The following CDCA8 variants were observed in gnomAD, a reference collection of about 807,000 sequenced individuals.
CDCA8 encodes the protein cell division cycle associated 8.
CDCA8 carries 25 observed loss-of-function variants against 40.0 expected under a neutral mutation model. That is an observed-to-expected ratio of 0.63 (90% CI 0.46 to 0.87). The LOEUF is 0.87. CDCA8 is among the 40% of genes least tolerant of loss of function. The probability of loss-of-function intolerance (pLI) is 0.00; values close to 1 mark genes in which losing one functional copy is unlikely to be tolerated. For synonymous variants in CDCA8, 111 were observed against 126.5 expected (o/e 0.88, Z 0.82); for missense variants, 280 against 348.4 (o/e 0.80, Z 1.56).
intron 6 of CDCA8, 34 bp from the exon 7 acceptor site, chr1:37,703,218 G>A (rs1258499626): frequency 2.6e-6 from 4 of 1,519,798 alleles, no homozygotes; most frequent in Non-Finnish European, 3.7e-6. Context: ...GAACCTGAGA[G>A]TTGGCATACC....
intron 5 of CDCA8, among the ~76,000 whole-genome samples, chr1:37,701,024 G>A (rs1645559332): frequency 6.6e-6 from 1 of 152,220 alleles, no homozygotes; most frequent in African/African-American, 2.4e-5. Context: ...GGCAGAGGGT[G>A]CTGGACTGGG....
At chr1:37,706,364 T>C (rs959039226) in intron 8 of CDCA8, among the ~76,000 whole-genome samples, 4 of 152,178 alleles carry the variant, frequency 2.6e-5, no homozygotes, top group African/African-American at 9.7e-5. Context: ...CACCTCAGCC[T>C]CCCAAGGTGC....
At chr1:37,703,132 C>T (rs12119598) in intron 6 of CDCA8, 120 bp from the exon 7 acceptor site, 82,518 of 767,214 alleles carry the variant, frequency 0.11, 5,300 homozygotes, top group Non-Finnish European at 0.13. Context: ...TCACGTGAGT[C>T]GATGTGTGCG....
In CDCA8 at chr1:37,700,532, A is replaced by G; in HGVS notation, c.423+11A>G. The G allele has an allele frequency of 6.4e-7, 1 of 1,556,444 alleles. No individual in the cohort carries two copies. Among genetic ancestry groups the G allele is most frequent in the Non-Finnish European group, 8.9e-7 (1 of 1,127,648 alleles). Reference sequence around the variant, plus strand: ...CTTCAAACTGCAAGAGTAAGTGGACACTGAGGTTGGAGGCTGGGGGTTATC... The same window carrying G: ...CTTCAAACTGCAAGAGTAAGTGGACGCTGAGGTTGGAGGCTGGGGGTTATC... On this transcript the variant is annotated intron_variant, in intron 5 of 9. Coordinates refer to ENST00000373055, the MANE Select transcript of CDCA8 (RefSeq NM_001256875.2).
rs1645566133 is a variant in CDCA8, at chr1:37,701,819, G to A, written c.488+1G>A. On this transcript the variant is annotated splice_donor_variant, in intron 6 of 9. Coordinates refer to ENST00000373055, the MANE Select transcript of CDCA8 (RefSeq NM_001256875.2). LOFTEE classifies it high-confidence loss of function. ...TACAAGGAAAAGGAAAAGGGAAAAG[G>A]TAGTGGATTTTCTAAAGTTGTGGTG... 2 of 1,611,288 alleles carry A rather than the reference G, an allele frequency of 1.2e-6. No homozygotes were observed. The highest frequency in any genetic ancestry group is 1.7e-6 in the Non-Finnish European group (2 of 1,177,646).
At position 37,707,019 on chromosome 1, in the gene CDCA8, T is replaced by C. The variant is rs1278740379; in HGVS notation, c.753T>C (p.Ile251=). ...LLASDLQRHS[I]AQLDPEALGN... ...CCAGTGACTTGCAGAGGCACAGTAT[T>C]GCCCAGCTGGATCCAGAGGCCTTGG... is the stretch of plus-strand genomic sequence containing the variant. Residue 251 remains isoleucine (I), a synonymous_variant, in exon 9 of 10, where the codon ATT becomes ATC. Coordinates refer to ENST00000373055, the MANE Select transcript of CDCA8 (RefSeq NM_001256875.2). 2.5e-6 allele frequency: 4 copies of C among 1,614,116 alleles called. No homozygotes were observed. The African/African-American group carries it at 5.3e-5, about 22-fold the overall frequency.
intron 9 of CDCA8, 139 bp from the exon 10 acceptor site, chr1:37,708,183 G>A (rs1645615706): frequency 1.4e-6 from 1 of 734,292 alleles, no homozygotes; most frequent in Non-Finnish European, 2.4e-6. Context: ...CCCTTGTTCA[G>A]ATGAGAAACA....
chr1:37,695,807 G>A (rs1418143759), intron 2 of CDCA8, 103 bp from the exon 3 acceptor site: 3 of 969,636 alleles, frequency 3.1e-6, no homozygotes, highest in Non-Finnish European at 4.8e-6. Context: ...GGTCCTTGAA[G>A]GTTAGACCAA....
At chr1:37,700,353 A>T in intron 4 of CDCA8, 83 bp from the exon 5 acceptor site, 1 of 807,226 alleles carries the variant, frequency 1.2e-6, no homozygotes, top group Non-Finnish European at 2.1e-6. Context: ...AAGATTGTGT[A>T]CATTTTATTC....
intron 7 of CDCA8, among the ~76,000 whole-genome samples, chr1:37,704,986 A>C (rs972497337): frequency 6.6e-6 from 1 of 152,160 alleles, no homozygotes; most frequent in African/African-American, 2.4e-5. Flanking sequence ...TCTCACATGA[A>C]TATGTAACAA....
Position 37,698,905 on chromosome 1 carries a change from G to A in CDCA8, c.265G>A (p.Ala89Thr). 6.2e-7 allele frequency: 1 copy of A among 1,611,738 alleles called. No homozygotes were observed. The highest frequency in any genetic ancestry group is 8.5e-7 in the Non-Finnish European group (1 of 1,177,870). ...NKQALEEAAT[A>T]DLDITEINKL... is the part of the protein sequence containing the mutation. ...TGCTTTCTGGCTATGTTTGTCATAG[G>A]CTGACCTGGATATCACCGAAATAAA... Residue 89 changes from alanine to threonine, a missense_variant and splice_region_variant, in exon 4 of 10, where the codon GCT becomes ACT. Physicochemically the swap from Ala to Thr is moderately conservative, Grantham distance 58 (BLOSUM62 0). Coordinates refer to ENST00000373055, the MANE Select transcript of CDCA8 (RefSeq NM_001256875.2).
intron 2 of CDCA8, among the ~76,000 whole-genome samples, chr1:37,693,884 TCC>T (rs780175623): frequency 4.7e-5 from 7 of 150,496 alleles, no homozygotes; most frequent in Non-Finnish European, 8.9e-5. Flanking sequence ...ACGCCTGTAA[TCC>T]CAGCACTTTG....
At chr1:37,692,866 GCCCGTGA>G in intron 1 of CDCA8, 32 bp from the exon 2 acceptor site, 2 of 1,613,064 alleles carry the variant, frequency 1.2e-6, no homozygotes, top group Non-Finnish European at 1.7e-6. Context: ...AGATTCGCCC[GCCCGTGA>G]CCCGTGTCCT....
At chr1:37,705,134 C>T (rs566968830) in intron 7 of CDCA8, among the ~76,000 whole-genome samples, 2 of 152,212 alleles carry the variant, frequency 1.3e-5, no homozygotes, top group Admixed American at 1.3e-4. Context: ...AAACAATTAA[C>T]CAGCGTATTT....
chr1:37,694,445 C>G (rs1570276115), intron 2 of CDCA8, among the ~76,000 whole-genome samples: 1 of 152,146 alleles, frequency 6.6e-6, no homozygotes, highest in East Asian at 1.9e-4. Flanking sequence ...TAAAGATGCA[C>G]TAGGGAATAA....
chr1:37,707,436 C>T (rs1337142998), intron 9 of CDCA8, among the ~76,000 whole-genome samples: 3 of 152,178 alleles, frequency 2.0e-5, no homozygotes, highest in Non-Finnish European at 4.4e-5. Flanking sequence ...AATCAAAGAG[C>T]GAGCTGAACG....
Position 37,695,368 on chromosome 1 carries a change from T to TTA in CDCA8, c.224-542_224-541insTA, listed in dbSNP as rs1278614007. Among the ~76,000 whole-genome samples, 128 of 76,466 alleles carry TTA rather than the reference T, an allele frequency of 1.7e-3. 2 individuals are homozygous for TTA. The highest frequency in any genetic ancestry group is 2.5e-3 in the Non-Finnish European group (107 of 42,218). 50.2% of individuals were successfully genotyped at this position (76,466 alleles called of 152,430 possible). ...CATAGCAGGAGACCACATCTCTACT[T>TTA]AAAAAAAAAAAAAAAAAAAAAAAAG... On this transcript the variant is annotated intron_variant, in intron 2 of 9. Coordinates refer to ENST00000373055, the MANE Select transcript of CDCA8 (RefSeq NM_001256875.2).
Position 37,708,681 on chromosome 1 carries a change from C to T in CDCA8, c.*315C>T. Reference sequence around the variant, plus strand: ...CTCCTGCAACTCAACATCCTCTTCACCCTGCCCTGCCTGCAGTTGAGGGGG... The same window carrying T: ...CTCCTGCAACTCAACATCCTCTTCATCCTGCCCTGCCTGCAGTTGAGGGGG... On this transcript the variant is annotated 3_prime_UTR_variant, in exon 10 of 10. Transcript: ENST00000373055. 2.5e-6 allele frequency: 1 copy of T among 402,588 alleles called. No individual in the cohort carries two copies. Among genetic ancestry groups the T allele is most frequent in the Non-Finnish European group, 4.6e-6 (1 of 215,184 alleles). 24.9% of individuals were successfully genotyped at this position (402,588 alleles called of 1,614,324 possible). A position where few individuals can be genotyped will look rare whatever the true frequency, so the allele number is the denominator to read the frequency against.
Position 37,693,003 on chromosome 1 carries a change from C to G in CDCA8, c.193C>G (p.Leu65Val). ...CGAGATCCTGCGGCTCCCCAAGGCT[C>G]TGCGCGAGATGAACTGGCTTGACTA... is the stretch of plus-strand genomic sequence containing the variant. ...NIEILRLPKA[L>V]REMNWLDYFA... is the part of the protein sequence containing the mutation. Residue 65 changes from leucine to valine, a missense_variant, in exon 2 of 10, where the codon CTG becomes GTG. Coordinates refer to ENST00000373055, the MANE Select transcript of CDCA8 (RefSeq NM_001256875.2). The G allele has an allele frequency of 6.2e-7, 1 of 1,614,120 alleles. No homozygotes were observed. The highest frequency in any genetic ancestry group is 1.1e-5 in the South Asian group (1 of 91,080).
Sources: allele counts gnomAD v4.1 joint callset (sites outside exome capture counted in the v4.1 genomes callset), GRCh38; gene constraint gnomAD v4.1.1; transcripts MANE v1.5; gene names NCBI Gene and HGNC (gene_info 2026-07-23, HGNC 2026-07-21).